Variants in GEMIN5 observed in about 807,000 individuals in gnomAD.
GEMIN5 encodes gem-associated protein 5.
A neutral mutation model predicts 176.9 loss-of-function variants in GEMIN5; 124 were observed. The observed-to-expected ratio is 0.70, with a 90% CI of 0.61 to 0.81. GEMIN5 has a LOEUF of 0.81. Ranked by LOEUF, GEMIN5 falls within the 40% of genes least tolerant of loss-of-function variation. The pLI, the probability that GEMIN5 is intolerant of heterozygous loss-of-function variation, is 0.00. For missense variants in GEMIN5, 1,843 were observed against 1,814.6 expected (o/e 1.02, Z -0.28); for synonymous variants, 673 against 665.2 (o/e 1.01, Z -0.18).
At position 154,888,074 on chromosome 5, in the gene GEMIN5, T is replaced by G; in HGVS notation, c.*136A>C. ...TGGGTAGGCAGGGTTGATTCAAACT[T>G]AATCCTTGTTTGTATTCTTTTGGAT... On this transcript the variant is annotated 3_prime_UTR_variant, in exon 28 of 28. Coordinates refer to ENST00000285873, the MANE Select transcript of GEMIN5 (RefSeq NM_015465.5). The G allele has an allele frequency of 1.2e-6, 1 of 821,374 alleles. No homozygotes were observed. The highest frequency in any genetic ancestry group is 2.0e-6 in the Non-Finnish European group (1 of 509,022). 50.9% of individuals were successfully genotyped at this position (821,374 alleles called of 1,614,324 possible).
Position 154,917,017 on chromosome 5 carries a change from G to A in GEMIN5, c.1836C>T (p.His612=). 1 of 1,590,192 alleles carries A rather than the reference G, an allele frequency of 6.3e-7. No homozygotes were observed. The highest frequency in any genetic ancestry group is 8.6e-7 in the Non-Finnish European group (1 of 1,162,260). The part of the protein sequence containing the change: ...SGSNNAVIYV[H]NLKTVIESSP... ...AGTTACCTATGACAGTCTTCAGGTT[G>A]TGCACGTAAATGACTGCATTGTTGG... is the stretch of plus-strand genomic sequence containing the variant. The change falls in exon 13 of 28, where the codon CAC becomes CAT. Residue 612 remains histidine (H), a synonymous_variant. Coordinates refer to ENST00000285873, the MANE Select transcript of GEMIN5 (RefSeq NM_015465.5).
At chr5:154,921,447 G>A in intron 9 of GEMIN5, 22 bp from the exon 10 acceptor site, 4 of 1,064,906 alleles carry the variant, frequency 3.8e-6, no homozygotes, top group South Asian at 2.8e-5. Context: ...CAGGGAGAGA[G>A]AACAAATGGA....
At chr5:154,895,918 A>G (rs1395916908) in intron 24 of GEMIN5, among the ~76,000 whole-genome samples, 174 bp downstream of exon 24, 1 of 152,186 alleles carries the variant, frequency 6.6e-6, no homozygotes, top group African/African-American at 2.4e-5. Flanking sequence ...TACTAACTTT[A>G]AAGTTAAAGG....
intron 26 of GEMIN5, among the ~76,000 whole-genome samples, chr5:154,890,072 T>A (rs951608220): frequency 6.6e-6 from 1 of 152,236 alleles, no homozygotes; most frequent in African/African-American, 2.4e-5. Context: ...CTGCATCATT[T>A]TACATTCCCA....
chr5:154,906,649 A>G (rs977688538), intron 16 of GEMIN5, among the ~76,000 whole-genome samples: 29 of 152,168 alleles, frequency 1.9e-4, no homozygotes, highest in African/African-American at 6.5e-4. Flanking sequence ...CTCCTGCCTC[A>G]GCCTCCTGAG....
chr5:154,898,406 T>C (rs1345528659), intron 23 of GEMIN5, 34 bp downstream of exon 23: 9 of 1,547,594 alleles, frequency 5.8e-6, no homozygotes, highest in Non-Finnish European at 8.0e-6. Flanking sequence ...GACACTTCCC[T>C]CTTGTATACT....
At chr5:154,922,984 C>G (rs952768677) in intron 9 of GEMIN5, among the ~76,000 whole-genome samples, 3 of 152,164 alleles carry the variant, frequency 2.0e-5, no homozygotes, top group South Asian at 4.1e-4. Context: ...GCGTGAGCCA[C>G]CGTGCCAGGC....
At chr5:154,892,908 C>T (rs1219665720) in intron 24 of GEMIN5, among the ~76,000 whole-genome samples, 1 of 151,862 alleles carries the variant, frequency 6.6e-6, no homozygotes, top group East Asian at 1.9e-4. Flanking sequence ...ACCAGCCTGG[C>T]CAACATGGTG....
At chr5:154,935,359 G>A (rs1337257089) in intron 3 of GEMIN5, among the ~76,000 whole-genome samples, 2 of 152,226 alleles carry the variant, frequency 1.3e-5, no homozygotes, top group East Asian at 3.9e-4. Context: ...ATCTTTCAGT[G>A]AGAAGTACAT....
At chr5:154,901,582 A>C (rs970832570) in intron 20 of GEMIN5, 96 bp from the exon 21 acceptor site, 2 of 1,051,474 alleles carry the variant, frequency 1.9e-6, no homozygotes, top group African/African-American at 3.2e-5. Flanking sequence ...GTTTTCGTCA[A>C]TGCATTCAGC....
intron 25 of GEMIN5, 36 bp downstream of exon 25, chr5:154,892,351 T>G: frequency 6.4e-7 from 1 of 1,567,670 alleles, no homozygotes; most frequent in Non-Finnish European, 8.8e-7. Flanking sequence ...TGTTGTCCAT[T>G]AAAGGGTGTG....
At chr5:154,888,519 CCTGT>C (rs1170469929) in intron 27 of GEMIN5, 142 bp from the exon 28 acceptor site, 2 of 637,270 alleles carry the variant, frequency 3.1e-6, no homozygotes, top group Non-Finnish European at 5.5e-6. Context: ...AAGGCAATGT[CCTGT>C]CTTTCTCTTC....
In GEMIN5 at chr5:154,902,633, C is replaced by T. The variant is rs1196682708; in HGVS notation, c.2772G>A (p.Gln924=). ...LENGHPELFH[Q]LMLWKGDLKG... ...TGAGATCTCCTTTCCAAAGCATAAG[C>T]TGGTGAAATAACTCAGGGTGGCCAT... The change falls in exon 20 of 28, where the codon CAG becomes CAA. Residue 924 remains glutamine (Q), a synonymous_variant. Transcript: ENST00000285873. The T allele has an allele frequency of 2.5e-6, 4 of 1,614,010 alleles. No individual in the cohort carries two copies. In the South Asian group the frequency reaches 3.3e-5, roughly 13 times the overall value.
intron 23 of GEMIN5, among the ~76,000 whole-genome samples, 196 bp downstream of exon 23, chr5:154,898,244 G>A (rs1423849455): frequency 6.6e-6 from 1 of 152,162 alleles, no homozygotes; most frequent in Non-Finnish European, 1.5e-5. Context: ...GAATTACTGT[G>A]AATGACCATA....
chr5:154,926,319 C>G (rs79982665), intron 7 of GEMIN5, among the ~76,000 whole-genome samples: 60 of 152,192 alleles, frequency 3.9e-4, no homozygotes, highest in African/African-American at 1.4e-3. Context: ...ATTAATAAAC[C>G]AGAACCCACG....
rs770412318 is a variant in GEMIN5 at position 154,931,605 on chromosome 5, T to TA, written c.662-29dup. 16 of 1,563,436 alleles carry TA rather than the reference T, an allele frequency of 1.0e-5. No homozygotes were observed. In the Admixed American group the frequency reaches 2.6e-4, roughly 26 times the overall value. On this transcript the variant is annotated intron_variant, in intron 4 of 27. Transcript: ENST00000285873. The stretch of plus-strand genomic sequence containing the variant: ...ATGAGATAGGTGGCAATTTTGTTTT[T>TA]AATTTACATTAAACACGCACTAATA...
At chr5:154,899,163 G>C in intron 22 of GEMIN5, 28 bp downstream of exon 22, 2 of 1,584,796 alleles carry the variant, frequency 1.3e-6, no homozygotes, top group Non-Finnish European at 1.7e-6. Context: ...TCCTATGTTG[G>C]AAGCATCCCT....
chr5:154,904,776 A>G, intron 17 of GEMIN5, 147 bp from the exon 18 acceptor site: 1 of 601,836 alleles, frequency 1.7e-6, no homozygotes. Flanking sequence ...TTTCAAAATA[A>G]ATTTGCTGGG....
At chr5:154,917,375 T>G (rs544940409) in intron 12 of GEMIN5, among the ~76,000 whole-genome samples, 196 bp from the exon 13 acceptor site, 1 of 152,348 alleles carries the variant, frequency 6.6e-6, no homozygotes, top group South Asian at 2.1e-4. Context: ...TATTTAGCTT[T>G]TAAAAATTCT....
Sources: allele counts gnomAD v4.1 joint callset (sites outside exome capture counted in the v4.1 genomes callset), GRCh38; gene constraint gnomAD v4.1.1; transcripts MANE v1.5; gene names NCBI Gene and HGNC (gene_info 2026-07-23, HGNC 2026-07-21).